The following MAGI2 variants were observed in gnomAD, a reference collection of about 807,000 sequenced individuals.
The protein encoded by MAGI2 is membrane associated guanylate kinase, WW and PDZ domain containing 2, also known as membrane-associated guanylate kinase, WW and PDZ domain-containing protein 2.
Under a neutral mutation model 133.3 loss-of-function variants are expected in MAGI2, and 35 were observed. The ratio of observed to expected loss-of-function variants is 0.26; its 90% CI spans 0.20 to 0.35. The LOEUF (loss-of-function observed/expected upper bound fraction) is 0.35, where lower values mean the gene tolerates loss of function less well. Ranked by LOEUF, MAGI2 falls within the 10% of genes least tolerant of loss-of-function variation. The pLI, the probability that MAGI2 is intolerant of heterozygous loss-of-function variation, is 1.00. For synonymous variants in MAGI2, 729 were observed against 710.6 expected, an observed-to-expected ratio of 1.03 and a Z score of -0.41; for missense variants, 1,636 against 1,863.4, an observed-to-expected ratio of 0.88 and a Z score of 2.25.
chr7:78,892,520 A>C (rs1796851692), intron 2 of MAGI2, among the ~76,000 whole-genome samples: 1 of 152,218 alleles, frequency 6.6e-6, no homozygotes, highest in Non-Finnish European at 1.5e-5. Flanking sequence ...TGGTACTGGT[A>C]CCAAAACAGA....
chr7:78,317,000 G>GCAT (rs1207865279), intron 9 of MAGI2, among the ~76,000 whole-genome samples: 2 of 144,092 alleles, frequency 1.4e-5, no homozygotes, highest in Non-Finnish European at 3.0e-5. Context: ...AGACACTCCT[G>GCAT]AAAGTTCTAT....
At chr7:78,051,131 A>G (rs1584947836) in intron 21 of MAGI2, among the ~76,000 whole-genome samples, 1 of 152,230 alleles carries the variant, frequency 6.6e-6, no homozygotes, top group East Asian at 1.9e-4. Flanking sequence ...TCTCAGAGAA[A>G]TGTCTGAAAA....
chr7:79,296,814 T>C (rs1836967589), intron 1 of MAGI2, among the ~76,000 whole-genome samples: 1 of 152,118 alleles, frequency 6.6e-6, no homozygotes, highest in African/African-American at 2.4e-5. Context: ...GTGTTCTACT[T>C]CACAATAGAA....
chr7:78,772,596 G>A (rs183028071), intron 2 of MAGI2, among the ~76,000 whole-genome samples: 376 of 152,192 alleles, frequency 2.5e-3, no homozygotes, highest in African/African-American at 8.7e-3. Context: ...GAGGACTGCA[G>A]CCGAAATACA....
At chr7:78,301,357 A>G (rs534068878) in intron 9 of MAGI2, among the ~76,000 whole-genome samples, 165 of 152,316 alleles carry the variant, frequency 1.1e-3, no homozygotes, top group African/African-American at 3.8e-3. Flanking sequence ...CATCCCCAAC[A>G]AAATGTCTCT....
intron 1 of MAGI2, among the ~76,000 whole-genome samples, chr7:79,293,208 C>T (rs886290114): frequency 2.1e-4 from 32 of 152,176 alleles, no homozygotes; most frequent in Admixed American, 5.9e-4. Context: ...AAGCCTGACT[C>T]CTTTTTATCA....
chr7:79,409,740 C>T (rs1846031363), intron 1 of MAGI2, among the ~76,000 whole-genome samples: 2 of 151,936 alleles, frequency 1.3e-5, no homozygotes, highest in African/African-American at 4.8e-5. Flanking sequence ...TCATCAGATA[C>T]GAGGTTATTT....
At chr7:78,802,488 C>T (rs1192016746) in intron 2 of MAGI2, among the ~76,000 whole-genome samples, 2 of 152,188 alleles carry the variant, frequency 1.3e-5, no homozygotes, top group East Asian at 1.9e-4. Flanking sequence ...CAAGACCTCT[C>T]ATCACGCACT....
chr7:78,621,666 A>T (rs1172041074), intron 3 of MAGI2, among the ~76,000 whole-genome samples: 1 of 152,058 alleles, frequency 6.6e-6, no homozygotes, highest in Non-Finnish European at 1.5e-5. Flanking sequence ...GCATAGCTAT[A>T]GATGGTAACT....
At chr7:78,846,391 T>G (rs1792612027) in intron 2 of MAGI2, among the ~76,000 whole-genome samples, 1 of 151,948 alleles carries the variant, frequency 6.6e-6, no homozygotes, top group Non-Finnish European at 1.5e-5. Flanking sequence ...GGTGGGTATA[T>G]AGCAAGTCTT....
chr7:79,279,321 A>C (rs186494588), intron 1 of MAGI2, among the ~76,000 whole-genome samples: 1 of 152,228 alleles, frequency 6.6e-6, no homozygotes, highest in East Asian at 1.9e-4. Context: ...TCCTTTCTGA[A>C]GGAACCAAGC....
At chr7:79,011,664 T>G (rs1024046756) in intron 1 of MAGI2, among the ~76,000 whole-genome samples, 6 of 152,136 alleles carry the variant, frequency 3.9e-5, no homozygotes, top group Non-Finnish European at 8.8e-5. Flanking sequence ...ACCACCAGGG[T>G]TTGGCTCATT....
intron 6 of MAGI2, among the ~76,000 whole-genome samples, chr7:78,391,394 T>C (rs1342997549): frequency 6.6e-6 from 1 of 152,156 alleles, no homozygotes; most frequent in East Asian, 1.9e-4. Context: ...TTCTCTGGCA[T>C]TCACATGATA....
intron 21 of MAGI2, among the ~76,000 whole-genome samples, chr7:78,022,805 C>T (rs1808530202): frequency 6.6e-6 from 1 of 152,184 alleles, no homozygotes. Context: ...TTCCCTCCTC[C>T]AGTGATTTTT....
chr7:78,347,508 C>T (rs1201628331), intron 7 of MAGI2, among the ~76,000 whole-genome samples: 4 of 152,126 alleles, frequency 2.6e-5, no homozygotes, highest in South Asian at 2.1e-4. Context: ...GTAATAGCAG[C>T]GTAATGCCTC....
chr7:79,151,476 A>G (rs760383300), intron 1 of MAGI2, among the ~76,000 whole-genome samples: 1 of 152,182 alleles, frequency 6.6e-6, no homozygotes, highest in Non-Finnish European at 1.5e-5. Flanking sequence ...TCCAGTTTAC[A>G]TTAAATATTC....
intron 1 of MAGI2, among the ~76,000 whole-genome samples, chr7:79,302,380 A>G (rs943326999): frequency 3.9e-5 from 6 of 152,226 alleles, no homozygotes; most frequent in African/African-American, 1.4e-4. Context: ...CACAGCTAAC[A>G]TAGCAGCAGA....
intron 6 of MAGI2, among the ~76,000 whole-genome samples, chr7:78,389,752 G>C (rs7795420): frequency 0.54 from 81,902 of 151,970 alleles, 23,009 homozygotes; most frequent in Middle Eastern, 0.66. Flanking sequence ...GAGGAGAGAA[G>C]AAAAAGTTGA....
At chr7:78,854,686 C>T (rs1276101103) in intron 2 of MAGI2, among the ~76,000 whole-genome samples, 1 of 150,610 alleles carries the variant, frequency 6.6e-6, no homozygotes, top group Non-Finnish European at 1.5e-5. Context: ...TTTATTAGCT[C>T]AACATCTGAA....
Sources: gnomAD v4.1 joint callset for allele counts (sites outside exome capture counted in the v4.1 genomes callset) on GRCh38, gnomAD v4.1.1 for gene constraint, MANE v1.5 for transcripts, NCBI Gene and HGNC (gene_info 2026-07-23, HGNC 2026-07-21) for gene names.